The following HDAC5 variants were observed in gnomAD, a reference collection of about 807,000 sequenced individuals.
The protein encoded by HDAC5 is histone deacetylase 5.
A neutral mutation model predicts 133.3 loss-of-function variants in HDAC5; 25 were observed. The observed-to-expected ratio is 0.19, with a 90% CI of 0.14 to 0.26. HDAC5 has a LOEUF of 0.26. Ranked by LOEUF, HDAC5 falls within the 10% of genes least tolerant of loss-of-function variation. HDAC5 has a pLI of 1.00. For synonymous variants in HDAC5, 589 were observed against 610.8 expected (o/e 0.96, Z 0.53); for missense variants, 1,041 against 1,460.5 (o/e 0.71, Z 4.68).
At chr17:44,122,779 A>G (rs925854450) in intron 1 of HDAC5, among the ~76,000 whole-genome samples, 29 of 152,112 alleles carry the variant, frequency 1.9e-4, no homozygotes, top group Admixed American at 9.2e-4. Context: ...CCCCGCTTCC[A>G]TGAGATACAG....
chr17:44,122,059 C>CA (rs1184949308), intron 1 of HDAC5, among the ~76,000 whole-genome samples: 10 of 152,104 alleles, frequency 6.6e-5, no homozygotes, highest in Admixed American at 4.6e-4. Flanking sequence ...AAGATCTCCC[C>CA]AAGCTTTGTG....
At chr17:44,118,324 C>T (rs2052776029) in intron 1 of HDAC5, among the ~76,000 whole-genome samples, 1 of 152,196 alleles carries the variant, frequency 6.6e-6, no homozygotes, top group South Asian at 2.1e-4. Context: ...GTACCCTTGG[C>T]CTGGCAGGTG....
At position 44,087,542 on chromosome 17, in the gene HDAC5, T is replaced by C. The variant is rs756768268; in HGVS notation, c.1754A>G (p.Asp585Gly). 2 of 1,613,874 alleles carry C rather than the reference T, an allele frequency of 1.2e-6. No individual in the cohort carries two copies. Among genetic ancestry groups the C allele is most frequent in the African/African-American group, 2.7e-5 (2 of 74,902 alleles). Residue 585 changes from aspartate to glycine, a missense_variant, in exon 13 of 27, where the codon GAC (aspartate) becomes GGC (glycine). Around this residue, in one of 9 missense-constraint regions of HDAC5, gnomAD observed 433 missense variants for 531.6 expected, o/e 0.81. Coordinates refer to ENST00000682912, the MANE Select transcript of HDAC5 (RefSeq NM_005474.5). ...GTCTTCCTCGTCCTCCTCCTCCAGGTCTTCCTGTGTGCTCTCACTCTCTGT... is the reference window on the plus strand; with the variant it reads ...GTCTTCCTCGTCCTCCTCCTCCAGGCCTTCCTGTGTGCTCTCACTCTCTGT... ...GSTESESTQE[D>G]LEEEDEEDDG...
chr17:44,088,452 C>A lies in HDAC5; in HGVS notation c.1534G>T (p.Val512Phe). ...AACTGCTGGTGCTGTTGTTGCATGA[C>A]CAGCTGCTGCAGGGCCTGGGGACTC... Reference protein sequence around the residue: ...PQSPQALQQLVMQQQHQQFLE... With the variant: ...PQSPQALQQLFMQQQHQQFLE... Residue 512 changes from valine to phenylalanine, a missense_variant, in exon 12 of 27, where the codon GTC becomes TTC. By Grantham distance (50) the Val-to-Phe change is conservative (BLOSUM62 -1). Around this residue, in one of 9 missense-constraint regions of HDAC5, gnomAD observed 433 missense variants for 531.6 expected, o/e 0.81. Coordinates refer to ENST00000682912, the MANE Select transcript of HDAC5 (RefSeq NM_005474.5). The A allele has an allele frequency of 6.2e-7, 1 of 1,600,576 alleles. No homozygotes were observed. Among genetic ancestry groups the A allele is most frequent in the Non-Finnish European group, 8.5e-7 (1 of 1,174,126 alleles).
intron 21 of HDAC5, 127 bp from the exon 22 acceptor site, chr17:44,080,625 C>A (rs1205285650): frequency 8.1e-5 from 118 of 1,457,780 alleles, no homozygotes; most frequent in Non-Finnish European, 1.1e-4. Context: ...GCAGTCAGAT[C>A]AGTGTGGTCC....
chr17:44,122,960 A>C (rs2053102655), intron 1 of HDAC5, among the ~76,000 whole-genome samples: 1 of 152,172 alleles, frequency 6.6e-6, no homozygotes, highest in Non-Finnish European at 1.5e-5. Flanking sequence ...AATGGGAGAG[A>C]GAAGTAAGGT....
chr17:44,090,270 G>A (rs1056457974), intron 11 of HDAC5, among the ~76,000 whole-genome samples: 1 of 152,100 alleles, frequency 6.6e-6, no homozygotes, highest in Non-Finnish European at 1.5e-5. Context: ...GCAAGATCCT[G>A]TCTCTACAAA....
intron 8 of HDAC5, 40 bp from the exon 9 acceptor site, chr17:44,092,324 T>TACCCCCG: frequency 1.2e-6 from 2 of 1,612,518 alleles, no homozygotes; most frequent in South Asian, 2.2e-5. Flanking sequence ...TGCTGTGAAC[T>TACCCCCG]ACCCCCGACC....
chr17:44,110,791 G>A lies in HDAC5; in HGVS notation c.32C>T (p.Ser11Leu), dbSNP rs367981106. Residue 11 changes from serine (S) to leucine (L), a missense_variant, in exon 3 of 27, where the codon TCA becomes TTA. Coordinates refer to ENST00000682912, the MANE Select transcript of HDAC5 (RefSeq NM_005474.5). Reference sequence around the variant, plus strand: ...GATTTCCAAGGATGGTTCCCGACCTGACATCCCATCTGCTGAGAAACAGGA... The same window carrying A: ...GATTTCCAAGGATGGTTCCCGACCTAACATCCCATCTGCTGAGAAACAGGA... MNSPNESDGM[S>L]GREPSLEILP... 2.2e-5 allele frequency: 35 copies of A among 1,613,510 alleles called. No homozygotes were observed. The highest frequency in any genetic ancestry group is 3.0e-5 in the Non-Finnish European group (35 of 1,179,722).
chr17:44,094,620 G>C (rs1032404762), intron 3 of HDAC5, among the ~76,000 whole-genome samples: 2 of 152,150 alleles, frequency 1.3e-5, no homozygotes, highest in Non-Finnish European at 2.9e-5. Context: ...CTGGGCGACA[G>C]AGCGAGCCTC....
At chr17:44,080,062 A>G (rs1567979259) in intron 23 of HDAC5, 45 bp downstream of exon 23, 2 of 1,358,274 alleles carry the variant, frequency 1.5e-6, no homozygotes, top group Non-Finnish European at 2.1e-6. Context: ...TGGACTCGAT[A>G]TCCTCACTGT....
At position 44,123,638 on chromosome 17, in the gene HDAC5, C is replaced by G; in HGVS notation, c.-324G>C. On this transcript the variant is annotated 5_prime_UTR_variant, in exon 1 of 27. Coordinates refer to ENST00000682912, the MANE Select transcript of HDAC5 (RefSeq NM_005474.5). The stretch of plus-strand genomic sequence containing the variant: ...CTCCGCTCGCCGCCGCCACCAACAA[C>G]AACATTCGGAGACGTCACTCCCGTC... The G allele has an allele frequency of 2.5e-6, 1 of 396,498 alleles. No homozygotes were observed. The highest frequency in any genetic ancestry group is 4.4e-6 in the Non-Finnish European group (1 of 224,762). 24.6% of individuals were successfully genotyped at this position (396,498 alleles called of 1,614,324 possible). A position where few individuals can be genotyped will look rare whatever the true frequency, so the allele number is the denominator to read the frequency against.
chr17:44,107,607 CA>C (rs61428400), intron 3 of HDAC5, among the ~76,000 whole-genome samples: 25,857 of 88,100 alleles, frequency 0.29, 2,181 homozygotes, highest in African/African-American at 0.37. Context: ...GACTCCGTAT[CA>C]AAAAAAAAAA....
In HDAC5 at chr17:44,091,496, G is replaced by C; in HGVS notation, c.1165-4C>G. On this transcript the variant is annotated splice_region_variant and splice_polypyrimidine_tract_variant and intron_variant, in intron 10 of 26. Coordinates refer to ENST00000682912, the MANE Select transcript of HDAC5 (RefSeq NM_005474.5). The stretch of plus-strand genomic sequence containing the variant: ...GTGTCGACAGCTTCGGGGAGGCCTG[G>C]GGGGTGAAGGGAGGGGCTTATACAG... The C allele has an allele frequency of 1.3e-6, 2 of 1,546,416 alleles. No individual in the cohort carries two copies. Among genetic ancestry groups the C allele is most frequent in the African/African-American group, 1.4e-5 (1 of 72,770 alleles).
rs2050205156 is a variant in HDAC5 at position 44,078,287 on chromosome 17, C to T, written c.*89G>A. 5.8e-6 allele frequency: 8 copies of T among 1,372,462 alleles called. No homozygotes were observed. The highest frequency in any genetic ancestry group is 1.6e-5 in the South Asian group (1 of 63,788). 85.0% of individuals were successfully genotyped at this position (1,372,462 alleles called of 1,614,324 possible). A position where few individuals can be genotyped will look rare whatever the true frequency, so the allele number is the denominator to read the frequency against. ...GCAAGGCTGAGAGACCCACACGGCA[C>T]ACCTTGTTGAATGTGTGACTTTTTG... On this transcript the variant is annotated 3_prime_UTR_variant, in exon 27 of 27. Coordinates refer to ENST00000682912, the MANE Select transcript of HDAC5 (RefSeq NM_005474.5).
In HDAC5 at chr17:44,092,712, A is replaced by G. The variant is rs770785320; in HGVS notation, c.736T>C (p.Tyr246His). Residue 246 changes from tyrosine to histidine, a missense_variant, in exon 7 of 27, where the codon TAC (tyrosine) becomes CAC (histidine). Tyr to His is a moderately conservative substitution (Grantham distance 83, BLOSUM62 2). Transcript: ENST00000682912. ...PSYKLPLPGP[Y>H]DSRDDFPLRK... ...AGGGGGAAGTCGTCTCGACTGTCGTAGGGCCCAGGCAAAGGCAGTTTGTAG... is the reference window on the plus strand; with the variant it reads ...AGGGGGAAGTCGTCTCGACTGTCGTGGGGCCCAGGCAAAGGCAGTTTGTAG... 2 of 1,481,984 alleles carry G rather than the reference A, an allele frequency of 1.3e-6. No individual in the cohort carries two copies. Among genetic ancestry groups the G allele is most frequent in the African/African-American group, 1.4e-5 (1 of 69,148 alleles). The allele number at this position is 1,481,984 out of a possible 1,614,324, so 91.8% of individuals were successfully genotyped here. A position where few individuals can be genotyped will look rare whatever the true frequency, so the allele number is the denominator to read the frequency against.
intron 2 of HDAC5, among the ~76,000 whole-genome samples, chr17:44,113,452 A>G (rs1408597335): frequency 6.6e-6 from 1 of 152,218 alleles, no homozygotes; most frequent in African/African-American, 2.4e-5. Context: ...ATAAGAGAGG[A>G]GATCTGGGAT....
At chr17:44,096,475 G>GTT (rs753428334) in intron 3 of HDAC5, among the ~76,000 whole-genome samples, 11 of 136,972 alleles carry the variant, frequency 8.0e-5, no homozygotes, top group Admixed American at 2.2e-4. Context: ...GTTTTTTTTT[G>GTT]TTTTTTTTTT....
At chr17:44,085,950 C>G (rs3892483) in intron 14 of HDAC5, among the ~76,000 whole-genome samples, 1 of 152,130 alleles carries the variant, frequency 6.6e-6, no homozygotes, top group South Asian at 2.1e-4. Flanking sequence ...CCTTTCCTCT[C>G]CAGCCTTTGC....
Sources: allele counts gnomAD v4.1 joint callset (sites outside exome capture counted in the v4.1 genomes callset), GRCh38; gene constraint gnomAD v4.1.1; regional missense constraint gnomAD v4.1.1; transcripts MANE v1.5; gene names NCBI Gene and HGNC (gene_info 2026-07-23, HGNC 2026-07-21).